P2RY14: variants seen among roughly 807,000 people sequenced by gnomAD.
P2RY14 encodes P2Y purinoceptor 14.
A neutral mutation model predicts 0.9 loss-of-function variants in P2RY14; 2 were observed. That is an observed-to-expected ratio of 2.16 (90% CI 0.88 to 6.79). P2RY14 has a LOEUF of 6.79. Ranked by LOEUF, P2RY14 falls within the 30% of genes most tolerant of loss-of-function variation. The pLI, the probability that P2RY14 is intolerant of heterozygous loss-of-function variation, is 0.05. For missense variants in P2RY14, 378 were observed against 400.1 expected, an observed-to-expected ratio of 0.94 and a Z score of 0.47; for synonymous variants, 158 against 147.2, an observed-to-expected ratio of 1.07 and a Z score of -0.53.
rs184574138 is a variant in P2RY14 at position 151,214,346 on chromosome 3, A to C, written c.-24-6T>G. The C allele has an allele frequency of 1.1e-5, 17 of 1,593,304 alleles. No homozygotes were observed. Among genetic ancestry groups the C allele is most frequent in the Non-Finnish European group, 1.5e-5 (17 of 1,168,328 alleles). The stretch of plus-strand genomic sequence containing the variant: ...TAACTTCTGAAGGCAGAGGCCTGAA[A>C]AGAGGTGTGAACTGGTCACTCATAG... On this transcript the variant is annotated splice_polypyrimidine_tract_variant and splice_region_variant and intron_variant, in intron 2 of 2. Transcript: ENST00000309170.
intron 1 of P2RY14, among the ~76,000 whole-genome samples, chr3:151,233,681 C>T (rs969707012): frequency 2.6e-5 from 4 of 152,178 alleles, no homozygotes; most frequent in Admixed American, 1.3e-4. Flanking sequence ...TGTGGTGAGC[C>T]GAGATCGTGC....
chr3:151,240,881 G>A (rs1184061131), intron 1 of P2RY14, among the ~76,000 whole-genome samples: 1 of 152,180 alleles, frequency 6.6e-6, no homozygotes, highest in Non-Finnish European at 1.5e-5. Context: ...TATTCTTCAA[G>A]TACCATGCTT....
chr3:151,273,227 CTTTTTTTTTTTT>C (rs63035061), intron 1 of P2RY14, among the ~76,000 whole-genome samples: 1 of 106,170 alleles, frequency 9.4e-6, no homozygotes, highest in East Asian at 2.7e-4. Context: ...TTGTTGTGTT[CTTTTTTTTTTTT>C]TTTTTTTTTG....
At chr3:151,269,653 G>A in intron 1 of P2RY14, 1 of 397,704 alleles carries the variant, frequency 2.5e-6, no homozygotes, top group South Asian at 2.1e-5. Context: ...GAGTTGAAGT[G>A]ACAGAATTTG....
intron 2 of P2RY14, among the ~76,000 whole-genome samples, chr3:151,215,113 C>CT (rs556487682): frequency 3.6e-4 from 52 of 145,386 alleles, no homozygotes; most frequent in South Asian, 1.8e-3. Context: ...CAATATTGAG[C>CT]TTTTTTTTTT....
intron 1 of P2RY14, among the ~76,000 whole-genome samples, chr3:151,260,104 A>G (rs952820013): frequency 2.6e-5 from 4 of 152,148 alleles, no homozygotes; most frequent in African/African-American, 9.7e-5. Context: ...TGGGGACACC[A>G]TTGGTGGGCT....
intron 1 of P2RY14, chr3:151,249,193 C>T (rs1386508247): frequency 6.6e-6 from 1 of 152,122 alleles, no homozygotes; most frequent in Non-Finnish European, 1.5e-5. Context: ...AGTATGAAAC[C>T]AGCTGTGAAA....
chr3:151,225,052 T>G (rs1730217362), intron 1 of P2RY14, among the ~76,000 whole-genome samples: 1 of 152,224 alleles, frequency 6.6e-6, no homozygotes, highest in Non-Finnish European at 1.5e-5. Flanking sequence ...TCCTAGCTTT[T>G]CTTACCCAAG....
chr3:151,221,829 G>A (rs1729425695), intron 1 of P2RY14, among the ~76,000 whole-genome samples: 1 of 152,202 alleles, frequency 6.6e-6, no homozygotes, highest in Admixed American at 6.5e-5. Flanking sequence ...AGTGCCTACT[G>A]GGGCACCATC....
chr3:151,258,721 G>T (rs1243727245), intron 1 of P2RY14, among the ~76,000 whole-genome samples: 3 of 152,076 alleles, frequency 2.0e-5, no homozygotes, highest in Non-Finnish European at 1.5e-5. Flanking sequence ...GTGTGGTGGT[G>T]CATGCCTGTA....
At chr3:151,219,720 T>A (rs1728949960) in intron 1 of P2RY14, 78 bp from the exon 2 acceptor site, 1 of 152,226 alleles carries the variant, frequency 6.6e-6, no homozygotes, top group African/African-American at 2.4e-5. Context: ...CTGTACTTAC[T>A]TCTTAAATTC....
chr3:151,238,485 A>G (rs1300008021), intron 1 of P2RY14, among the ~76,000 whole-genome samples: 2 of 152,250 alleles, frequency 1.3e-5, no homozygotes, highest in East Asian at 1.9e-4. Flanking sequence ...GCAGAACCAC[A>G]GGGGTTCCTG....
intron 1 of P2RY14, among the ~76,000 whole-genome samples, chr3:151,252,093 G>T (rs867796293): frequency 1.2e-4 from 18 of 152,210 alleles, no homozygotes; most frequent in Middle Eastern, 6.8e-3. Flanking sequence ...CCTATGGGAG[G>T]TTATTCCTGG....
At chr3:151,237,759 AT>A (rs991075307) in intron 1 of P2RY14, among the ~76,000 whole-genome samples, 3 of 152,140 alleles carry the variant, frequency 2.0e-5, no homozygotes, top group South Asian at 4.2e-4. Context: ...CAGATTAAAA[AT>A]TTTTTTCTTA....
intron 1 of P2RY14, among the ~76,000 whole-genome samples, chr3:151,231,639 C>T (rs571337350): frequency 1.6e-4 from 24 of 152,148 alleles, no homozygotes; most frequent in East Asian, 9.6e-4. Flanking sequence ...AGGGGACAGT[C>T]GTAGATTAAA....
intron 1 of P2RY14, among the ~76,000 whole-genome samples, chr3:151,268,635 C>G (rs1740285777): frequency 6.6e-6 from 1 of 152,108 alleles, no homozygotes; most frequent in Non-Finnish European, 1.5e-5. Context: ...TTTTTTAAAT[C>G]TAGAATGTTA....
chr3:151,227,388 T>A (rs2149302983), intron 1 of P2RY14, among the ~76,000 whole-genome samples: 1 of 152,270 alleles, frequency 6.6e-6, no homozygotes, highest in East Asian at 1.9e-4. Context: ...TACAAACAGA[T>A]CCAACTCTTG....
chr3:151,266,821 A>G (rs1455497630), intron 1 of P2RY14, among the ~76,000 whole-genome samples: 2 of 152,214 alleles, frequency 1.3e-5, no homozygotes, highest in Admixed American at 1.3e-4. Flanking sequence ...TAGATGTCCT[A>G]CGAAGGGAAA....
chr3:151,242,659 G>A (rs1734446974), intron 1 of P2RY14, among the ~76,000 whole-genome samples: 1 of 152,190 alleles, frequency 6.6e-6, no homozygotes, highest in Non-Finnish European at 1.5e-5. Context: ...AAACCACAAA[G>A]ATGGGGAAAA....
Sources: allele counts gnomAD v4.1 joint callset (sites outside exome capture counted in the v4.1 genomes callset), GRCh38; gene constraint gnomAD v4.1.1; transcripts MANE v1.5; gene names NCBI Gene and HGNC (gene_info 2026-07-23, HGNC 2026-07-21).